ICE1: variants seen among roughly 807,000 people sequenced by gnomAD.
ICE1 encodes the protein interactor of little elongation complex ELL subunit 1.
A neutral mutation model predicts 192.7 loss-of-function variants in ICE1; 64 were observed. That is an observed-to-expected ratio of 0.33 (90% CI 0.27 to 0.41). ICE1 has a LOEUF of 0.41. ICE1 is among the 10% of genes least tolerant of loss of function. The pLI is 1.00. For synonymous variants in ICE1, 1,010 were observed against 984.5 expected, an observed-to-expected ratio of 1.03 and a Z score of -0.49; for missense variants, 2,708 against 2,696.0, an observed-to-expected ratio of 1.00 and a Z score of -0.10.
intron 1 of ICE1, among the ~76,000 whole-genome samples, chr5:5,424,308 G>A (rs928869473): frequency 2.0e-5 from 3 of 152,122 alleles, no homozygotes; most frequent in Non-Finnish European, 4.4e-5. Context: ...CTGCTTTTGT[G>A]AGTAGAAGGA....
intron 12 of ICE1, among the ~76,000 whole-genome samples, chr5:5,459,996 C>T (rs192828017): frequency 2.6e-5 from 4 of 152,116 alleles, no homozygotes; most frequent in Non-Finnish European, 4.4e-5. Flanking sequence ...TCCCTCCCCC[C>T]CTGCACAAGG....
At chr5:5,467,821 TAAA>T (rs1448173662) in intron 14 of ICE1, among the ~76,000 whole-genome samples, 1 of 152,226 alleles carries the variant, frequency 6.6e-6, no homozygotes, top group African/African-American at 2.4e-5. Context: ...GCAAACAGGA[TAAA>T]AATCTTTACT....
chr5:5,440,218 A>G (rs1216217589), intron 4 of ICE1, among the ~76,000 whole-genome samples: 3 of 152,234 alleles, frequency 2.0e-5, no homozygotes, highest in Admixed American at 6.5e-5. Context: ...TGTTGTTTAC[A>G]TGGTTCACAC....
intron 1 of ICE1, among the ~76,000 whole-genome samples, chr5:5,427,517 A>C (rs138187831): frequency 2.0e-5 from 3 of 152,224 alleles, no homozygotes; most frequent in Non-Finnish European, 4.4e-5. Context: ...ACATGATTAT[A>C]TTGTTCATCT....
At chr5:5,474,867 T>A (rs1193386045) in intron 16 of ICE1, among the ~76,000 whole-genome samples, 1 of 152,242 alleles carries the variant, frequency 6.6e-6, no homozygotes, top group Non-Finnish European at 1.5e-5. Flanking sequence ...AAGGGAAGAT[T>A]AGACATCTGA....
rs80084056 is a variant in ICE1 at position 5,480,861 on chromosome 5, C to T, written c.6520+4782C>T. 1.8e-3 allele frequency among the ~76,000 whole-genome samples: 278 copies of T among 152,216 alleles called. 1 individual carries two copies. Among genetic ancestry groups the T allele is most frequent in the African/African-American group, 6.5e-3 (269 of 41,526 alleles). ...GAGTGTAGGAGAACCAAATGATTGC[C>T]AAAGACTATGAATTTGGTAGAGATA... On this transcript the variant is annotated intron_variant, in intron 17 of 18. Transcript: ENST00000296564.
At chr5:5,423,850 C>G (rs1170428357) in intron 1 of ICE1, among the ~76,000 whole-genome samples, 6 of 152,126 alleles carry the variant, frequency 3.9e-5, no homozygotes, top group African/African-American at 1.4e-4. Flanking sequence ...TTGTGGTGAA[C>G]AAAATAGGAT....
rs1388684552 is a variant in ICE1, at chr5:5,463,118, G to A, written c.3784G>A (p.Val1262Ile). The A allele has an allele frequency of 3.7e-6, 6 of 1,613,144 alleles. No individual in the cohort carries two copies. Among genetic ancestry groups the A allele is most frequent in the Non-Finnish European group, 4.2e-6 (5 of 1,179,572 alleles). Reference protein sequence around the residue: ...TQCSLETLSEVLTKIRQELQT... With the variant: ...TQCSLETLSEILTKIRQELQT... ...GTGTTCTTTGGAAACTCTGTCTGAG[G>A]TTCTGACCAAGATTAGGCAAGAACT... Residue 1262 changes from valine (V) to isoleucine (I), a missense_variant, in exon 13 of 19, where the codon GTT becomes ATT. Val to Ile is a conservative substitution (Grantham distance 29). Transcript: ENST00000296564.
chr5:5,432,436 A>G (rs1309752906), intron 1 of ICE1, among the ~76,000 whole-genome samples: 1 of 152,316 alleles, frequency 6.6e-6, no homozygotes, highest in African/African-American at 2.4e-5. Flanking sequence ...CCTTTGATGG[A>G]CATTTAATTT....
chr5:5,461,992 C>T lies in ICE1; in HGVS notation c.2658C>T (p.Thr886=). 2 of 1,613,906 alleles carry T rather than the reference C, an allele frequency of 1.2e-6. No individual in the cohort carries two copies. Among genetic ancestry groups the T allele is most frequent in the Non-Finnish European group, 1.7e-6 (2 of 1,179,890 alleles). ...TGAGGCCACATAGGGTTGAGCCTAC[C>T]TTAGTAACAGAAAATAGTGGCAACA... ...EHLRPHRVEP[T]LVTENSGNKT... Residue 886 remains threonine, a synonymous_variant, in exon 13 of 19, where the codon ACC becomes ACT. Transcript: ENST00000296564.
chr5:5,428,588 C>T (rs541916202), intron 1 of ICE1, among the ~76,000 whole-genome samples: 3 of 152,322 alleles, frequency 2.0e-5, no homozygotes, highest in Admixed American at 6.5e-5. Context: ...ATTGTCTGCA[C>T]ACATACACTT....
chr5:5,481,405 CT>C (rs1196108439), intron 17 of ICE1, among the ~76,000 whole-genome samples: 1 of 152,170 alleles, frequency 6.6e-6, no homozygotes, highest in Admixed American at 6.5e-5. Context: ...GAAGCAGCCT[CT>C]TTGCGTTTAT....
chr5:5,447,136 A>G (rs1190563792), intron 7 of ICE1, among the ~76,000 whole-genome samples: 1 of 152,196 alleles, frequency 6.6e-6, no homozygotes, highest in Non-Finnish European at 1.5e-5. Context: ...ACTCCCTTTT[A>G]TGCCTTGAAT....
In ICE1 at chr5:5,447,502, A is replaced by T; in HGVS notation, c.500A>T (p.Lys167Met). The change falls in exon 8 of 19, where the codon AAG (lysine) becomes ATG (methionine). Residue 167 changes from lysine (K) to methionine (M), a missense_variant. Physicochemically the swap from Lys to Met is moderately conservative, Grantham distance 95 (BLOSUM62 -1). Coordinates refer to ENST00000296564, the MANE Select transcript of ICE1 (RefSeq NM_015325.3). ...EKKILEKEFK[K>M]TQERLDEFSK... ...AAAATACTTGAAAAGGAATTTAAGA[A>T]GACACAGGTACTAGATAAAAGCAGC... 6.4e-7 allele frequency: 1 copy of T among 1,550,496 alleles called. No individual in the cohort carries two copies. The highest frequency in any genetic ancestry group is 1.4e-5 in the African/African-American group (1 of 73,108).
At chr5:5,446,676 G>A (rs1298475741) in intron 7 of ICE1, among the ~76,000 whole-genome samples, 3 of 152,068 alleles carry the variant, frequency 2.0e-5, no homozygotes, top group African/African-American at 4.8e-5. Context: ...TTTATTTTTC[G>A]TGTATAAAAA....
At chr5:5,466,810 A>G (rs1319988836) in intron 14 of ICE1, among the ~76,000 whole-genome samples, 2 of 152,196 alleles carry the variant, frequency 1.3e-5, no homozygotes, top group African/African-American at 4.8e-5. Context: ...AAAGTAAGTG[A>G]CAAGCCAAAC....
In ICE1 at chr5:5,465,031, G is replaced by GT. The variant is rs1190247551; in HGVS notation, c.5699dup (p.Leu1900PhefsTer13). On this transcript the variant is annotated frameshift_variant, in exon 13 of 19. Transcript: ENST00000296564. LOFTEE classifies it high-confidence loss of function. ...GTCCAGCCGTCAGTGCAGTTTCACA[G>GT]TTGCCTTTAAGCCCAAAAGAAACTG... 6.2e-7 allele frequency: 1 copy of GT among 1,613,868 alleles called. No homozygotes were observed. The highest frequency in any genetic ancestry group is 8.5e-7 in the Non-Finnish European group (1 of 1,179,902).
intron 17 of ICE1, among the ~76,000 whole-genome samples, chr5:5,480,491 A>G (rs887306370): frequency 2.0e-5 from 3 of 151,788 alleles, no homozygotes; most frequent in Non-Finnish European, 2.9e-5. Flanking sequence ...CTCGTGATCC[A>G]CCCACCTCGG....
chr5:5,462,851 T>G lies in ICE1; in HGVS notation c.3517T>G (p.Ser1173Ala). Residue 1173 changes from serine (S) to alanine (A), a missense_variant, in exon 13 of 19, where the codon TCA (serine) becomes GCA (alanine). Coordinates refer to ENST00000296564, the MANE Select transcript of ICE1 (RefSeq NM_015325.3). The stretch of plus-strand genomic sequence containing the variant: ...TTCTGAGCTGGATAGACTTTCCACA[T>G]CAGAGGTTGTGATGTTTCTTGAGAG... ...TFSELDRLSTSEVVMFLESCQ... is the reference protein window; with the variant it reads ...TFSELDRLSTAEVVMFLESCQ... 4 of 1,609,286 alleles carry G rather than the reference T, an allele frequency of 2.5e-6. No homozygotes were observed. The highest frequency in any genetic ancestry group is 3.4e-6 in the Non-Finnish European group (4 of 1,177,450).
Sources: gnomAD v4.1 joint callset for allele counts (sites outside exome capture counted in the v4.1 genomes callset) on GRCh38, gnomAD v4.1.1 for gene constraint, MANE v1.5 for transcripts, NCBI Gene and HGNC (gene_info 2026-07-23, HGNC 2026-07-21) for gene names.